CFAP299: variants seen among roughly 807,000 people sequenced by gnomAD.
The protein encoded by CFAP299 is cilia- and flagella-associated protein 299.
In CFAP299, 21 loss-of-function variants were observed where a neutral mutation model predicts 27.0. The observed-to-expected ratio is 0.78, with a 90% CI of 0.55 to 1.12. The LOEUF is 1.12. Ranked by LOEUF, CFAP299 falls within the 50% of genes most tolerant of loss-of-function variation. The pLI is 0.00. For missense variants in CFAP299, 310 were observed against 276.6 expected (o/e 1.12, Z -0.86); for synonymous variants, 104 against 98.1 (o/e 1.06, Z -0.36).
chr4:80,848,929 C>T (rs1731334983), intron 3 of CFAP299, among the ~76,000 whole-genome samples: 1 of 152,166 alleles, frequency 6.6e-6, no homozygotes, highest in South Asian at 2.1e-4. Context: ...TAGGACATTA[C>T]TGTACACTAT....
intron 1 of CFAP299, among the ~76,000 whole-genome samples, chr4:80,357,983 A>G (rs1328186721): frequency 6.6e-6 from 1 of 152,160 alleles, no homozygotes; most frequent in East Asian, 1.9e-4. Context: ...TTAGTGCTAT[A>G]AATTTCCCTC....
chr4:80,798,402 T>C (rs1560415520), intron 3 of CFAP299, among the ~76,000 whole-genome samples: 1 of 152,086 alleles, frequency 6.6e-6, no homozygotes, highest in African/African-American at 2.4e-5. Context: ...TGGCAAAAAA[T>C]GTTCACCAGA....
At chr4:80,583,887 T>A (rs929338708) in intron 3 of CFAP299, among the ~76,000 whole-genome samples, 2 of 151,876 alleles carry the variant, frequency 1.3e-5, no homozygotes, top group Non-Finnish European at 2.9e-5. Context: ...AGAAATAGTG[T>A]GATAAAAAAT....
intron 3 of CFAP299, among the ~76,000 whole-genome samples, chr4:80,772,832 C>A (rs1464323643): frequency 2.0e-5 from 3 of 152,094 alleles, no homozygotes; most frequent in African/African-American, 7.2e-5. Context: ...CCAAAAATAC[C>A]ATTTGACCAA....
At chr4:80,943,833 C>T (rs1043152421) in intron 4 of CFAP299, among the ~76,000 whole-genome samples, 2 of 151,998 alleles carry the variant, frequency 1.3e-5, no homozygotes, top group Non-Finnish European at 2.9e-5. Flanking sequence ...CTTTGGGAGG[C>T]CAAGGTGGGC....
intron 2 of CFAP299, among the ~76,000 whole-genome samples, chr4:80,406,696 C>A (rs1245773717): frequency 6.6e-6 from 1 of 152,118 alleles, no homozygotes; most frequent in Non-Finnish European, 1.5e-5. Flanking sequence ...TGTTATATAT[C>A]ATTTACATCT....
intron 3 of CFAP299, among the ~76,000 whole-genome samples, chr4:80,589,519 A>G (rs560104011): frequency 3.2e-4 from 48 of 152,342 alleles, no homozygotes; most frequent in African/African-American, 1.1e-3. Flanking sequence ...GATAATTAGC[A>G]ATGTTTAAAA....
intron 4 of CFAP299, among the ~76,000 whole-genome samples, chr4:80,895,199 CTAG>C (rs1734556195): frequency 1.3e-5 from 2 of 151,544 alleles, no homozygotes; most frequent in South Asian, 4.2e-4. Flanking sequence ...CACACACACA[CTAG>C]TAACTATGTG....
At chr4:80,654,568 ACT>A (rs556215487) in intron 3 of CFAP299, among the ~76,000 whole-genome samples, 44 of 152,242 alleles carry the variant, frequency 2.9e-4, no homozygotes, top group Admixed American at 2.2e-3. Flanking sequence ...TCTATATTGC[ACT>A]GAGTTAATAA....
chr4:80,516,931 A>G (rs746417275), intron 2 of CFAP299, among the ~76,000 whole-genome samples: 6 of 152,182 alleles, frequency 3.9e-5, no homozygotes, highest in Non-Finnish European at 8.8e-5. Context: ...TTTAGAAATC[A>G]TATCCCCTAG....
intron 4 of CFAP299, among the ~76,000 whole-genome samples, chr4:80,899,890 A>T (rs1021010169): frequency 3.9e-5 from 6 of 152,316 alleles, no homozygotes; most frequent in African/African-American, 1.4e-4. Flanking sequence ...ATAAATGCAA[A>T]TTCATTGGAA....
chr4:80,811,341 TA>T (rs1199381477), intron 3 of CFAP299, among the ~76,000 whole-genome samples: 1 of 152,172 alleles, frequency 6.6e-6, no homozygotes, highest in East Asian at 1.9e-4. Context: ...GGTTTAGTTC[TA>T]TAAATTGTGA....
At chr4:80,619,998 T>A (rs1456801428) in intron 3 of CFAP299, among the ~76,000 whole-genome samples, 1 of 152,064 alleles carries the variant, frequency 6.6e-6, no homozygotes, top group African/African-American at 2.4e-5. Flanking sequence ...ATCATAAGCA[T>A]TGAGAGACTA....
At chr4:80,503,564 C>CAT (rs1222175825) in intron 2 of CFAP299, among the ~76,000 whole-genome samples, 2 of 152,076 alleles carry the variant, frequency 1.3e-5, no homozygotes, top group African/African-American at 4.8e-5. Flanking sequence ...CTGATTCCTC[C>CAT]ATATATAACC....
chr4:80,501,767 T>G (rs1285810572), intron 2 of CFAP299, among the ~76,000 whole-genome samples: 1 of 151,668 alleles, frequency 6.6e-6, no homozygotes, highest in Non-Finnish European at 1.5e-5. Context: ...TCACCTTTAC[T>G]TTTTCTTGTA....
At chr4:80,737,517 G>A (rs1723977750) in intron 3 of CFAP299, among the ~76,000 whole-genome samples, 1 of 151,980 alleles carries the variant, frequency 6.6e-6, no homozygotes, top group Non-Finnish European at 1.5e-5. Flanking sequence ...TTCTTTGTAG[G>A]TTTATGTGTC....
rs191253641 is a variant in CFAP299, at chr4:80,762,289, A to T, written c.334-107704A>T. Among the ~76,000 whole-genome samples, 766 of 152,248 alleles carry T rather than the reference A, an allele frequency of 5.0e-3. 4 individuals carry two copies. The highest frequency in any genetic ancestry group is 0.02 in the Middle Eastern group (6 of 294). On this transcript the variant is annotated intron_variant, in intron 3 of 5. Transcript: ENST00000358105. ...CATAGAAATTCTGACAGGAGGAAAT[A>T]TAAGAACCAAAAATTTGACCTTGTG...
At chr4:80,459,240 T>C (rs571711219) in intron 2 of CFAP299, among the ~76,000 whole-genome samples, 53 of 152,266 alleles carry the variant, frequency 3.5e-4, no homozygotes, top group African/African-American at 1.2e-3. Context: ...TCCTCCCACT[T>C]AGGCCTCCCA....
chr4:80,350,739 C>T (rs895884222), intron 1 of CFAP299, among the ~76,000 whole-genome samples: 8 of 151,946 alleles, frequency 5.3e-5, no homozygotes, highest in South Asian at 4.1e-4. Context: ...ACAATGAGAA[C>T]GCACGGACAC....
Sources: allele counts gnomAD v4.1 joint callset (sites outside exome capture counted in the v4.1 genomes callset), GRCh38; gene constraint gnomAD v4.1.1; transcripts MANE v1.5; gene names NCBI Gene and HGNC (gene_info 2026-07-23, HGNC 2026-07-21).